The following PCDHA2 variants were observed in gnomAD, a reference collection of about 807,000 sequenced individuals.
The protein encoded by PCDHA2 is protocadherin alpha-2.
In PCDHA2, 58 loss-of-function variants were observed where a neutral mutation model predicts 66.0. The ratio of observed to expected loss-of-function variants is 0.88; its 90% CI spans 0.71 to 1.09. The LOEUF is 1.09. Among genes scored for constraint, PCDHA2 ranks in the 50% least tolerant of loss-of-function variants. PCDHA2 has a pLI of 0.00. For missense variants in PCDHA2, 1,267 were observed against 1,242.3 expected (o/e 1.02, Z -0.30); for synonymous variants, 634 against 554.0 (o/e 1.14, Z -2.03).
intron 3 of PCDHA2, among the ~76,000 whole-genome samples, chr5:140,989,535 GTT>G (rs2097346543): frequency 6.6e-6 from 1 of 152,178 alleles, no homozygotes; most frequent in Non-Finnish European, 1.5e-5. Context: ...GAGGAAGATA[GTT>G]TGTAATTCCT....
intron 1 of PCDHA2, chr5:140,842,737 C>T: frequency 6.3e-7 from 1 of 1,595,052 alleles, no homozygotes; most frequent in Non-Finnish European, 8.6e-7. Context: ...CGCCGGGCTG[C>T]CACATCTTCA....
rs185216314 is a variant in PCDHA2, at chr5:140,968,202, A to G, written c.2389-10747A>G. On this transcript the variant is annotated intron_variant, in intron 1 of 3. Transcript: ENST00000526136. ...GAGGACTCCTATTCCATCTACATACAGGAGAACAATTTGCCAGGTGTGTTG... is the reference window on the plus strand; with the variant it reads ...GAGGACTCCTATTCCATCTACATACGGGAGAACAATTTGCCAGGTGTGTTG... The G allele has an allele frequency of 3.7e-5, 60 of 1,614,044 alleles. 1 individual carries two copies. The East Asian group carries it at 1.1e-3, about 29-fold the overall frequency.
chr5:140,815,640 G>GT (rs1765772207), intron 1 of PCDHA2: 1 of 151,888 alleles, frequency 6.6e-6, no homozygotes, highest in Non-Finnish European at 1.5e-5. Context: ...ATAGTATTCT[G>GT]TTTTTATCTA....
At chr5:140,872,589 C>T (rs1242242642) in intron 1 of PCDHA2, among the ~76,000 whole-genome samples, 1 of 151,922 alleles carries the variant, frequency 6.6e-6, no homozygotes, top group African/African-American at 2.4e-5. Flanking sequence ...ATCGTGAGAC[C>T]CCCATCTGAA....
At chr5:140,927,104 C>CA in intron 1 of PCDHA2, 1 of 1,613,722 alleles carries the variant, frequency 6.2e-7, no homozygotes, top group Non-Finnish European at 8.5e-7. Flanking sequence ...GTGGATCTAC[C>CA]CAGCGGCAAT....
chr5:140,914,785 C>G (rs2153531678), intron 1 of PCDHA2, among the ~76,000 whole-genome samples: 1 of 151,672 alleles, frequency 6.6e-6, no homozygotes, highest in Non-Finnish European at 1.5e-5. Context: ...ATCTTATGAC[C>G]CATTATTTTA....
At position 140,851,072 on chromosome 5, in the gene PCDHA2, A is replaced by G; in HGVS notation, c.2388+53720A>G. The stretch of plus-strand genomic sequence containing the variant: ...TTTGTCTTGACTTCTAGTGAGAATT[A>G]TAAACTGTATATTAAATAGATATTT... On this transcript the variant is annotated intron_variant, in intron 1 of 3. Coordinates refer to ENST00000526136, the MANE Select transcript of PCDHA2 (RefSeq NM_018905.3). The G allele has an allele frequency of 5.9e-6, 8 of 1,346,802 alleles. 1 individual carries two copies. The highest frequency in any genetic ancestry group is 7.8e-6 in the Non-Finnish European group (8 of 1,027,866). The allele number at this position is 1,346,802 out of a possible 1,614,324, so 83.4% of individuals were successfully genotyped here. A position where few individuals can be genotyped will look rare whatever the true frequency, so the allele number is the denominator to read the frequency against.
intron 3 of PCDHA2, among the ~76,000 whole-genome samples, chr5:141,000,713 C>G (rs570396356): frequency 6.6e-6 from 1 of 151,652 alleles, no homozygotes; most frequent in Non-Finnish European, 1.5e-5. Context: ...CAGGCATGAG[C>G]CACTGTGCCT....
At chr5:140,853,927 G>T in intron 1 of PCDHA2, 1 of 895,160 alleles carries the variant, frequency 1.1e-6, no homozygotes, top group Non-Finnish European at 1.4e-6. Context: ...CCAACATTTT[G>T]GGAGGCCAAG....
chr5:140,869,211 G>C (rs375218342), intron 1 of PCDHA2: 26 of 1,613,838 alleles, frequency 1.6e-5, no homozygotes, highest in African/African-American at 1.5e-4. Flanking sequence ...ACTCCGTCTC[G>C]GAGGAGGCCA....
chr5:140,848,968 C>G (rs2150427139), intron 1 of PCDHA2: 1 of 1,605,306 alleles, frequency 6.2e-7, no homozygotes, highest in East Asian at 2.2e-5. Flanking sequence ...GAGGGCGCGT[C>G]CGATGCAGAT....
Position 141,005,701 on chromosome 5 carries a change from C to CAAA in PCDHA2, c.2537-3898_2537-3896dup, listed in dbSNP as rs59860837. ...TGGGCGACAGAGCGAAACTCCGTCTCAAAAAAAAAAAAAAAAAAAAAAAAA... is the reference window on the plus strand; with the variant it reads ...TGGGCGACAGAGCGAAACTCCGTCTCAAAAAAAAAAAAAAAAAAAAAAAAAAAA... On this transcript the variant is annotated intron_variant, in intron 3 of 3. Transcript: ENST00000526136. Among the ~76,000 whole-genome samples the CAAA allele has an allele frequency of 9.1e-3, 71 of 7,774 alleles. 6 individuals are homozygous for CAAA. Among genetic ancestry groups the CAAA allele is most frequent in the Non-Finnish European group, 0.012 (43 of 3,684 alleles). 5.1% of individuals were successfully genotyped at this position (7,774 alleles called of 152,430 possible).
At chr5:140,851,466 A>C in intron 1 of PCDHA2, 1 of 895,524 alleles carries the variant, frequency 1.1e-6, no homozygotes, top group Non-Finnish European at 1.4e-6. Context: ...AAATTATGTC[A>C]ATAAATGTTA....
Position 140,821,826 on chromosome 5 carries a change from G to T in PCDHA2, c.2388+24474G>T, listed in dbSNP as rs1554128222. 4 of 1,613,992 alleles carry T rather than the reference G, an allele frequency of 2.5e-6. No homozygotes were observed. In the East Asian group the frequency reaches 6.7e-5, roughly 27 times the overall value. ...TGGGATCCCGGCTCCTGCTGCTCTG[G>T]CTTCTCCTTGCCTACTGGAAGGCAG... is the stretch of plus-strand genomic sequence containing the variant. On this transcript the variant is annotated intron_variant, in intron 1 of 3. Coordinates refer to ENST00000526136, the MANE Select transcript of PCDHA2 (RefSeq NM_018905.3).
chr5:140,932,607 T>C (rs555006363), intron 1 of PCDHA2, among the ~76,000 whole-genome samples: 8 of 152,052 alleles, frequency 5.3e-5, no homozygotes, highest in Non-Finnish European at 7.4e-5. Flanking sequence ...CTATTTTGAC[T>C]TTGAAGCTGA....
intron 1 of PCDHA2, among the ~76,000 whole-genome samples, chr5:140,886,110 G>A (rs1332872994): frequency 6.6e-6 from 1 of 152,164 alleles, no homozygotes; most frequent in Non-Finnish European, 1.5e-5. Context: ...CAGTAAAGAA[G>A]TAACATAGTT....
At chr5:140,808,651 G>T (rs144041965) in intron 1 of PCDHA2, 2 of 1,613,310 alleles carry the variant, frequency 1.2e-6, no homozygotes, top group African/African-American at 1.3e-5. Flanking sequence ...AGGAGAACGC[G>T]CTGGTGTCCT....
At chr5:140,802,625 G>T (rs368335379) in intron 1 of PCDHA2, 17 of 1,613,842 alleles carry the variant, frequency 1.1e-5, no homozygotes, top group Non-Finnish European at 1.4e-5. Flanking sequence ...ACATCTTCAC[G>T]GTGTCTGCGC....
intron 1 of PCDHA2, among the ~76,000 whole-genome samples, chr5:140,955,756 A>G (rs987029779): frequency 2.6e-5 from 4 of 152,182 alleles, no homozygotes; most frequent in African/African-American, 9.7e-5. Flanking sequence ...TATTGCCATA[A>G]CACTGATTCT....
Sources: allele counts gnomAD v4.1 joint callset (sites outside exome capture counted in the v4.1 genomes callset), GRCh38; gene constraint gnomAD v4.1.1; transcripts MANE v1.5; gene names NCBI Gene and HGNC (gene_info 2026-07-23, HGNC 2026-07-21).